Variants in RHOBTB3 observed in about 807,000 individuals in gnomAD.
The protein encoded by RHOBTB3 is rho-related BTB domain-containing protein 3.
Under a neutral mutation model 67.2 loss-of-function variants are expected in RHOBTB3, and 47 were observed. The observed-to-expected ratio is 0.70, with a 90% CI of 0.55 to 0.89. The LOEUF is 0.89. Among genes scored for constraint, RHOBTB3 ranks in the 40% least tolerant of loss-of-function variants. The probability of loss-of-function intolerance (pLI) is 0.00; values close to 1 mark genes in which losing one functional copy is unlikely to be tolerated. For synonymous variants in RHOBTB3, 273 were observed against 274.2 expected (o/e 1.00, Z 0.04); for missense variants, 631 against 750.0 (o/e 0.84, Z 1.85).
At chr5:95,784,827 G>C (rs188800904) in intron 10 of RHOBTB3, among the ~76,000 whole-genome samples, 41 of 152,222 alleles carry the variant, frequency 2.7e-4, no homozygotes, top group Admixed American at 1.1e-3. Flanking sequence ...CCTACCGTTG[G>C]CCATTCTGCC....
chr5:95,736,357 C>T (rs1470257117), intron 2 of RHOBTB3, among the ~76,000 whole-genome samples: 1 of 152,096 alleles, frequency 6.6e-6, no homozygotes, highest in Non-Finnish European at 1.5e-5. Context: ...TCTTTATATA[C>T]AGTACTGTCC....
chr5:95,731,100 C>T (rs748530308), upstream of RHOBTB3: 18 of 1,114,264 alleles, frequency 1.6e-5, no homozygotes, highest in Non-Finnish European at 1.9e-5. Flanking sequence ...GCTGGGAGCT[C>T]TCGGGCTGGG....
intron 1 of RHOBTB3, among the ~76,000 whole-genome samples, chr5:95,721,693 T>TAA (rs58596325): frequency 0.048 from 6,305 of 132,082 alleles, 223 homozygotes; most frequent in Non-Finnish European, 0.071. Context: ...CTGAGAGCAT[T>TAA]AAAAAAAAAA....
intron 3 of RHOBTB3, among the ~76,000 whole-genome samples, chr5:95,745,525 A>G (rs1335709501): frequency 6.6e-6 from 1 of 152,152 alleles, no homozygotes; most frequent in African/African-American, 2.4e-5. Context: ...AGAATTTTTG[A>G]AAAGAATTTC....
chr5:95,784,719 C>A (rs1475313646), intron 10 of RHOBTB3, among the ~76,000 whole-genome samples: 3 of 152,164 alleles, frequency 2.0e-5, no homozygotes, highest in African/African-American at 7.2e-5. Context: ...AAATCTACTT[C>A]CCAAACCCCC....
At chr5:95,749,655 G>A (rs1477367247) in intron 4 of RHOBTB3, among the ~76,000 whole-genome samples, 1 of 152,100 alleles carries the variant, frequency 6.6e-6, no homozygotes, top group Non-Finnish European at 1.5e-5. Context: ...TCTTAATTTG[G>A]CGAAGAATGG....
At chr5:95,770,944 A>C (rs1314961875) in intron 8 of RHOBTB3, among the ~76,000 whole-genome samples, 3 of 152,200 alleles carry the variant, frequency 2.0e-5, no homozygotes, top group Non-Finnish European at 4.4e-5. Flanking sequence ...GAAAAAAAAA[A>C]ACATTTTTAC....
At chr5:95,760,777 G>A (rs1364697823) in intron 6 of RHOBTB3, among the ~76,000 whole-genome samples, 1 of 152,166 alleles carries the variant, frequency 6.6e-6, no homozygotes. Context: ...GTATGACATT[G>A]TGCCTATTGT....
chr5:95,792,399 AAAAGAAAAGAAAAG>A (rs1408078073), intron 11 of RHOBTB3, among the ~76,000 whole-genome samples: 3 of 52,916 alleles, frequency 5.7e-5, no homozygotes, highest in African/African-American at 1.1e-4. Flanking sequence ...AAAAAAAAAA[AAAAGAAAAGAAAAG>A]AAAAGAAAAG....
intron 8 of RHOBTB3, among the ~76,000 whole-genome samples, chr5:95,771,181 TAAAA>T (rs1032135784): frequency 1.3e-5 from 2 of 152,142 alleles, no homozygotes; most frequent in African/African-American, 4.8e-5. Flanking sequence ...TGTTTAAAGT[TAAAA>T]AAGAATGAAT....
At chr5:95,769,431 A>G (rs1170866237) in intron 8 of RHOBTB3, 2 of 256,130 alleles carry the variant, frequency 7.8e-6, no homozygotes, top group Admixed American at 4.4e-5. Context: ...CAGGAAAGGT[A>G]TGATGTTAGC....
chr5:95,731,869 A>G lies in RHOBTB3; in HGVS notation c.13A>G (p.Ile5Val), dbSNP rs781495649. The G allele has an allele frequency of 2.5e-6, 4 of 1,612,700 alleles. No individual in the cohort carries two copies. The highest frequency in any genetic ancestry group is 3.4e-6 in the Non-Finnish European group (4 of 1,179,102). The change falls in exon 2 of 12, where the codon ATC becomes GTC. Residue 5 changes from isoleucine (I) to valine (V), a missense_variant. By Grantham distance (29) the Ile-to-Val change is conservative. Coordinates refer to ENST00000379982, the MANE Select transcript of RHOBTB3 (RefSeq NM_014899.4). Reference sequence around the variant, plus strand: ...CCTCTGTCCGTGCAGGTCCATCCACATCGTGGCGCTGGGGAACGAGGGGGA... The same window carrying G: ...CCTCTGTCCGTGCAGGTCCATCCACGTCGTGGCGCTGGGGAACGAGGGGGA... MSIH[I>V]VALGNEGDTF...
chr5:95,767,639 T>C, intron 7 of RHOBTB3: 2 of 549,278 alleles, frequency 3.6e-6, no homozygotes, highest in South Asian at 5.3e-5. Context: ...CCAAAAAATG[T>C]ATTTTTCTTA....
intron 2 of RHOBTB3, 175 bp downstream of exon 2, chr5:95,732,259 C>T (rs1755304729): frequency 1.5e-6 from 1 of 654,742 alleles, no homozygotes; most frequent in Admixed American, 2.4e-5. Flanking sequence ...AGGGAACAGC[C>T]CTGTCAGAGA....
chr5:95,792,443 T>A, intron 11 of RHOBTB3, among the ~76,000 whole-genome samples: 1 of 139,874 alleles, frequency 7.1e-6, no homozygotes, highest in African/African-American at 2.6e-5. Flanking sequence ...CTAAGTATTA[T>A]AAATGGAAAA....
At chr5:95,736,382 G>A (rs1755455417) in intron 2 of RHOBTB3, among the ~76,000 whole-genome samples, 1 of 152,124 alleles carries the variant, frequency 6.6e-6, no homozygotes, top group African/African-American at 2.4e-5. Flanking sequence ...GATGGATAAA[G>A]TTGAAAAGTA....
At chr5:95,775,048 C>T (rs1386507957) in intron 8 of RHOBTB3, among the ~76,000 whole-genome samples, 2 of 152,124 alleles carry the variant, frequency 1.3e-5, no homozygotes, top group Non-Finnish European at 1.5e-5. Flanking sequence ...CACTTTAACT[C>T]AAAGGCGAGT....
At chr5:95,775,247 A>T (rs1289823580) in intron 8 of RHOBTB3, among the ~76,000 whole-genome samples, 1 of 151,910 alleles carries the variant, frequency 6.6e-6, no homozygotes, top group Non-Finnish European at 1.5e-5. Context: ...CAAAATCCAA[A>T]ATGCCCTAAA....
At chr5:95,725,382 T>C (rs2112753711) in intron 1 of RHOBTB3, among the ~76,000 whole-genome samples, 1 of 152,314 alleles carries the variant, frequency 6.6e-6, no homozygotes, top group African/African-American at 2.4e-5. Flanking sequence ...ATAGAGGTTG[T>C]AAAAATCTAA....
Sources: gnomAD v4.1 joint callset for allele counts (sites outside exome capture counted in the v4.1 genomes callset) on GRCh38, gnomAD v4.1.1 for gene constraint, MANE v1.5 for transcripts, NCBI Gene and HGNC (gene_info 2026-07-23, HGNC 2026-07-21) for gene names.